The following C1QTNF4 variants were observed in gnomAD, a reference collection of about 807,000 sequenced individuals.
C1QTNF4 encodes the protein C1q and TNF related 4, also known as complement C1q tumor necrosis factor-related protein 4.
In C1QTNF4, 12 loss-of-function variants were observed where a neutral mutation model predicts 14.6. The ratio of observed to expected loss-of-function variants is 0.82; its 90% CI spans 0.53 to 1.33. The LOEUF (loss-of-function observed/expected upper bound fraction) is 1.33, where lower values mean the gene tolerates loss of function less well. C1QTNF4 is among the 40% of genes most tolerant of loss of function. The pLI is 0.00. For synonymous variants in C1QTNF4, 278 were observed against 246.6 expected (o/e 1.13, Z -1.19); for missense variants, 558 against 500.3 (o/e 1.12, Z -1.10).
rs1326341388 is a variant in C1QTNF4 at position 47,590,549 on chromosome 11, T to G, written c.262A>C (p.Lys88Gln). 5 of 1,599,964 alleles carry G rather than the reference T, an allele frequency of 3.1e-6. No homozygotes were observed. In the Admixed American group the frequency reaches 5.1e-5, roughly 16 times the overall value. ...CGCACCAGCATCACCGACAGGCTCT[T>G]GTGCGGGGCCTTGCCAGCCGTGAAG... ...FSFTAGKAPH[K>Q]SLSVMLVRNR... The change falls in exon 2 of 2, where the codon AAG becomes CAG. Residue 88 changes from lysine (K) to glutamine (Q), a missense_variant. Coordinates refer to ENST00000302514, the MANE Select transcript of C1QTNF4 (RefSeq NM_031909.3).
intron 1 of C1QTNF4, among the ~76,000 whole-genome samples, chr11:47,591,730 A>G (rs140964194): frequency 1.4e-3 from 219 of 152,314 alleles, no homozygotes; most frequent in Non-Finnish European, 2.6e-3. Flanking sequence ...AGACTAGCAG[A>G]AACACTCTGG....
At chr11:47,591,121 C>T (rs2097275416) in intron 1 of C1QTNF4, among the ~76,000 whole-genome samples, 2 of 152,204 alleles carry the variant, frequency 1.3e-5, no homozygotes, top group African/African-American at 4.8e-5. Flanking sequence ...CTCTGTGAAC[C>T]AGGCTGGAGT....
In C1QTNF4 at chr11:47,590,527, A is replaced by C; in HGVS notation, c.284T>G (p.Val95Gly). ...APHKSLSVML[V>G]RNRDEVQALA... Reference sequence around the variant, plus strand: ...CGCCTGCACCTCGTCGCGGTTTCGCACCAGCATCACCGACAGGCTCTTGTG... The same window carrying C: ...CGCCTGCACCTCGTCGCGGTTTCGCCCCAGCATCACCGACAGGCTCTTGTG... The change falls in exon 2 of 2, where the codon GTG becomes GGG. Residue 95 changes from valine (V) to glycine (G), a missense_variant. By Grantham distance (109) the Val-to-Gly change is moderately radical. Coordinates refer to ENST00000302514, the MANE Select transcript of C1QTNF4 (RefSeq NM_031909.3). 1 of 1,593,138 alleles carries C rather than the reference A, an allele frequency of 6.3e-7. No homozygotes were observed. The highest frequency in any genetic ancestry group is 8.5e-7 in the Non-Finnish European group (1 of 1,171,120).
At chr11:47,593,781 C>A (rs1156996368) in intron 1 of C1QTNF4, among the ~76,000 whole-genome samples, 1 of 152,128 alleles carries the variant, frequency 6.6e-6, no homozygotes, top group South Asian at 2.1e-4. Context: ...GGAGGTGCAG[C>A]GATGTCAGGC....
chr11:47,590,482 C>CGCT lies in C1QTNF4; in HGVS notation c.326_328dup (p.Gln109dup). 1.9e-6 allele frequency: 3 copies of CGCT among 1,539,718 alleles called. No homozygotes were observed. Among genetic ancestry groups the CGCT allele is most frequent in the Non-Finnish European group, 2.6e-6 (3 of 1,144,968 alleles). ...GGCTGCGCGCCGCGCGCCTGGCCGCCGCTGCTCGTCGAAGGCCAGCGCCTG... is the reference window on the plus strand; with the variant it reads ...GGCTGCGCGCCGCGCGCCTGGCCGCCGCTGCTGCTCGTCGAAGGCCAGCGCCTG... On this transcript the variant is annotated inframe_insertion, in exon 2 of 2. Transcript: ENST00000302514.
chr11:47,589,955 G>A lies in C1QTNF4; in HGVS notation c.856C>T (p.Leu286=), dbSNP rs1443481717. 1 of 1,610,280 alleles carries A rather than the reference G, an allele frequency of 6.2e-7. No individual in the cohort carries two copies. Among genetic ancestry groups the A allele is most frequent in the African/African-American group, 1.3e-5 (1 of 74,968 alleles). ...TAGCCGTCGTGGTCGTGGCTGAGCA[G>A]CCAGACGGCGTCGCCGCGCCGCAGG... ...LALRRGDAVW[L]LSHDHDGYGA... The change falls in exon 2 of 2, where the codon CTG becomes TTG. Residue 286 remains leucine (L), a synonymous_variant. Coordinates refer to ENST00000302514, the MANE Select transcript of C1QTNF4 (RefSeq NM_031909.3).
intron 1 of C1QTNF4, 57 bp downstream of exon 1, chr11:47,594,091 C>G (rs1203656517): frequency 1.3e-5 from 2 of 152,222 alleles, no homozygotes; most frequent in Admixed American, 6.5e-5. Flanking sequence ...CCTCCCCAGC[C>G]CTCGCTTCCA....
rs759576979 is a variant in C1QTNF4 at position 47,589,812 on chromosome 11, G to C, written c.*9C>G. 6.6e-6 allele frequency: 10 copies of C among 1,519,728 alleles called. No homozygotes were observed. The Admixed American group carries it at 1.3e-4, about 20-fold the overall frequency. 94.1% of individuals were successfully genotyped at this position (1,519,728 alleles called of 1,614,324 possible). A position where few individuals can be genotyped will look rare whatever the true frequency, so the allele number is the denominator to read the frequency against. ...CCTGGCCCTCCCGGGCTCTTCTCTGGCCCGGGGCTCACAGTAGCTCCGAGG... is the reference window on the plus strand; with the variant it reads ...CCTGGCCCTCCCGGGCTCTTCTCTGCCCCGGGGCTCACAGTAGCTCCGAGG... On this transcript the variant is annotated 3_prime_UTR_variant, in exon 2 of 2. Coordinates refer to ENST00000302514, the MANE Select transcript of C1QTNF4 (RefSeq NM_031909.3).
chr11:47,589,769 C>T lies in C1QTNF4; in HGVS notation c.*52G>A. On this transcript the variant is annotated 3_prime_UTR_variant, in exon 2 of 2. Coordinates refer to ENST00000302514, the MANE Select transcript of C1QTNF4 (RefSeq NM_031909.3). ...GCGCGGGACTTTCGAGCCTCCGGCC[C>T]GGCCTGGCATGCACGCCCCTGGCCC... 3 of 1,422,112 alleles carry T rather than the reference C, an allele frequency of 2.1e-6. No homozygotes were observed. The highest frequency in any genetic ancestry group is 3.1e-5 in the Admixed American group (1 of 32,218). 88.1% of individuals were successfully genotyped at this position (1,422,112 alleles called of 1,614,324 possible). A position where few individuals can be genotyped will look rare whatever the true frequency, so the allele number is the denominator to read the frequency against.
At chr11:47,590,886 G>A in intron 1 of C1QTNF4, 71 bp from the exon 2 acceptor site, 2 of 1,430,404 alleles carry the variant, frequency 1.4e-6, no homozygotes, top group African/African-American at 1.4e-5. Flanking sequence ...GCTCTCCACC[G>A]GGAGACAAGG....
In C1QTNF4 at chr11:47,590,828, C is replaced by T. The variant is rs1263149964; in HGVS notation, c.-5-13G>A. 8 of 1,465,516 alleles carry T rather than the reference C, an allele frequency of 5.5e-6. No individual in the cohort carries two copies. The South Asian group carries it at 8.4e-5, about 15-fold the overall frequency. The allele number at this position is 1,465,516 out of a possible 1,614,324, so 90.8% of individuals were successfully genotyped here. A position where few individuals can be genotyped will look rare whatever the true frequency, so the allele number is the denominator to read the frequency against. ...GGCAGCATGGCGCCTGGGAGGGAGACGGAGGGGCGAGAGTGGAGTGTTGGC... is the reference window on the plus strand; with the variant it reads ...GGCAGCATGGCGCCTGGGAGGGAGATGGAGGGGCGAGAGTGGAGTGTTGGC... On this transcript the variant is annotated splice_polypyrimidine_tract_variant and intron_variant, in intron 1 of 1. Transcript: ENST00000302514.
At chr11:47,593,284 C>A (rs1308938741) in intron 1 of C1QTNF4, among the ~76,000 whole-genome samples, 2 of 152,148 alleles carry the variant, frequency 1.3e-5, no homozygotes, top group East Asian at 3.8e-4. Flanking sequence ...TACCTTTTTG[C>A]AAAACTAGGA....
In C1QTNF4 at chr11:47,590,633, C is replaced by A; in HGVS notation, c.178G>T (p.Asp60Tyr). The change falls in exon 2 of 2, where the codon GAC becomes TAC. Residue 60 changes from aspartate (D) to tyrosine (Y), a missense_variant. Asp to Tyr is a radical substitution (Grantham distance 160). Coordinates refer to ENST00000302514, the MANE Select transcript of C1QTNF4 (RefSeq NM_031909.3). Reference protein sequence around the residue: ...FDKVYVNIGGDFDVATGQFRC... With the variant: ...FDKVYVNIGGYFDVATGQFRC... ...AACTGGCCGGTGGCCACATCGAAGTCGCCCCCGATGTTCACGTACACCTTG... is the reference window on the plus strand; with the variant it reads ...AACTGGCCGGTGGCCACATCGAAGTAGCCCCCGATGTTCACGTACACCTTG... 3 of 1,611,196 alleles carry A rather than the reference C, an allele frequency of 1.9e-6. No individual in the cohort carries two copies. The highest frequency in any genetic ancestry group is 2.5e-6 in the Non-Finnish European group (3 of 1,179,358).
Position 47,590,636 on chromosome 11 carries a change from C to T in C1QTNF4, c.175G>A (p.Gly59Ser). The T allele has an allele frequency of 1.9e-6, 3 of 1,611,424 alleles. No individual in the cohort carries two copies. The highest frequency in any genetic ancestry group is 1.7e-6 in the Non-Finnish European group (2 of 1,179,392). ...TFDKVYVNIG[G>S]DFDVATGQFR... Reference sequence around the variant, plus strand: ...TGGCCGGTGGCCACATCGAAGTCGCCCCCGATGTTCACGTACACCTTGTCG... The same window carrying T: ...TGGCCGGTGGCCACATCGAAGTCGCTCCCGATGTTCACGTACACCTTGTCG... Residue 59 changes from glycine to serine, a missense_variant, in exon 2 of 2, where the codon GGC becomes AGC. Coordinates refer to ENST00000302514, the MANE Select transcript of C1QTNF4 (RefSeq NM_031909.3).
chr11:47,589,672 T>G lies in C1QTNF4; in HGVS notation c.*149A>C. The G allele has an allele frequency of 1.4e-6, 1 of 730,432 alleles. No homozygotes were observed. Among genetic ancestry groups the G allele is most frequent in the South Asian group, 2.2e-5 (1 of 44,854 alleles). The allele number at this position is 730,432 out of a possible 1,614,324, so 45.2% of individuals were successfully genotyped here. A position where few individuals can be genotyped will look rare whatever the true frequency, so the allele number is the denominator to read the frequency against. ...GTCAAGACAGCGCAGGGGCCTGGGC[T>G]GCCGGGCGCTGCGCGTGCCCGCTTT... On this transcript the variant is annotated 3_prime_UTR_variant, in exon 2 of 2. Coordinates refer to ENST00000302514, the MANE Select transcript of C1QTNF4 (RefSeq NM_031909.3).
intron 1 of C1QTNF4, among the ~76,000 whole-genome samples, chr11:47,593,591 C>A (rs1382592656): frequency 3.3e-5 from 5 of 152,138 alleles, no homozygotes; most frequent in Non-Finnish European, 7.3e-5. Flanking sequence ...CTCGTCCTTC[C>A]CTGAACCCCC....
Position 47,589,669 on chromosome 11 carries a change from G to C in C1QTNF4, c.*152C>G, listed in dbSNP as rs868325891. On this transcript the variant is annotated 3_prime_UTR_variant, in exon 2 of 2. Coordinates refer to ENST00000302514, the MANE Select transcript of C1QTNF4 (RefSeq NM_031909.3). ...GCAGTCAAGACAGCGCAGGGGCCTG[G>C]GCTGCCGGGCGCTGCGCGTGCCCGC... is the stretch of plus-strand genomic sequence containing the variant. 1 of 718,852 alleles carries C rather than the reference G, an allele frequency of 1.4e-6. No individual in the cohort carries two copies. The highest frequency in any genetic ancestry group is 2.1e-6 in the Non-Finnish European group (1 of 476,874). 44.5% of individuals were successfully genotyped at this position (718,852 alleles called of 1,614,324 possible). A position where few individuals can be genotyped will look rare whatever the true frequency, so the allele number is the denominator to read the frequency against.
intron 1 of C1QTNF4, among the ~76,000 whole-genome samples, chr11:47,593,105 C>G (rs1423837576): frequency 2.0e-5 from 3 of 152,142 alleles, no homozygotes; most frequent in Non-Finnish European, 4.4e-5. Flanking sequence ...ACAGGTGGGC[C>G]GTCTCCCATT....
chr11:47,591,750 C>T (rs556149990), intron 1 of C1QTNF4, among the ~76,000 whole-genome samples: 4 of 152,342 alleles, frequency 2.6e-5, no homozygotes, highest in South Asian at 2.1e-4. Flanking sequence ...GTTAAAGAGG[C>T]CTACAGCCCT....
Sources: allele counts gnomAD v4.1 joint callset (sites outside exome capture counted in the v4.1 genomes callset), GRCh38; gene constraint gnomAD v4.1.1; transcripts MANE v1.5; gene names NCBI Gene and HGNC (gene_info 2026-07-23, HGNC 2026-07-21).